SCN3A: variants seen among roughly 807,000 people sequenced by gnomAD.
The protein encoded by SCN3A is sodium channel protein type 3 subunit alpha.
SCN3A carries 60 observed loss-of-function variants against 187.6 expected under a neutral mutation model. The ratio of observed to expected loss-of-function variants is 0.32; its 90% CI spans 0.26 to 0.40. SCN3A has a LOEUF of 0.40. SCN3A is among the 10% of genes least tolerant of loss of function. The pLI is 1.00. For missense variants in SCN3A, 1,601 were observed against 2,428.2 expected (o/e 0.66, Z 7.16); for synonymous variants, 788 against 829.2 (o/e 0.95, Z 0.85).
At chr2:165,179,317 C>T (rs747483711) in intron 2 of SCN3A, among the ~76,000 whole-genome samples, 2 of 152,180 alleles carry the variant, frequency 1.3e-5, no homozygotes, top group Non-Finnish European at 2.9e-5. Flanking sequence ...CACCTCAACA[C>T]AGAAATGGCT....
In SCN3A at chr2:165,113,036, T is replaced by A; in HGVS notation, c.3692A>T (p.Glu1231Val). 6.2e-7 allele frequency: 1 copy of A among 1,612,370 alleles called. No individual in the cohort carries two copies. Among genetic ancestry groups the A allele is most frequent in the Non-Finnish European group, 8.5e-7 (1 of 1,179,096 alleles). ...CATGGTTTTGATAGTCTTTCGCTGT[T>A]CAATGTATATATCTTCAAAGGCCTA... ...GALAFEDIYI[E>V]QRKTIKTMLE... Residue 1231 changes from glutamate (E) to valine (V), a missense_variant, in exon 21 of 28, where the codon GAA becomes GTA. Physicochemically the swap from Glu to Val is moderately radical, Grantham distance 121 (BLOSUM62 -2). Around this residue, in one of 11 missense-constraint regions of SCN3A, gnomAD observed 267 missense variants for 313.2 expected, o/e 0.85. Coordinates refer to ENST00000283254, the MANE Select transcript of SCN3A (RefSeq NM_006922.4).
At chr2:165,137,790 G>T in intron 15 of SCN3A, 89 bp downstream of exon 15, 1 of 935,184 alleles carries the variant, frequency 1.1e-6, no homozygotes, top group Non-Finnish European at 1.8e-6. Flanking sequence ...TATAATTTTT[G>T]GGTTCAACAC....
Position 165,094,273 on chromosome 2 carries a change from T to A in SCN3A, c.4536+101A>T, listed in dbSNP as rs1574095272. The A allele has an allele frequency of 9.2e-6, 8 of 865,480 alleles. No individual in the cohort carries two copies. In the East Asian group the frequency reaches 1.9e-4, roughly 21 times the overall value. The allele number at this position is 865,480 out of a possible 1,614,324, so 53.6% of individuals were successfully genotyped here. On this transcript the variant is annotated intron_variant, in intron 26 of 27. Coordinates refer to ENST00000283254, the MANE Select transcript of SCN3A (RefSeq NM_006922.4). The stretch of plus-strand genomic sequence containing the variant: ...TATGAACTTTATAATTAGGGCTCAA[T>A]ATTGGTGATATCACCTAATATGTTC...
chr2:165,091,486 T>G, intron 27 of SCN3A, 141 bp from the exon 28 acceptor site: 1 of 1,062,970 alleles, frequency 9.4e-7, no homozygotes, highest in South Asian at 1.4e-5. Flanking sequence ...TCCCTGACAT[T>G]AGCAATTACA....
Position 165,090,268 on chromosome 2 carries a change from G to A in SCN3A, c.5885C>T (p.Ser1962Phe). 1 of 1,612,278 alleles carries A rather than the reference G, an allele frequency of 6.2e-7. No homozygotes were observed. Among genetic ancestry groups the A allele is most frequent in the Non-Finnish European group, 8.5e-7 (1 of 1,178,940 alleles). ...ATAGGAAGGAGGAGAGGTGGTAGAG[G>A]AACTCCCATCTGTTTTTTCTGGAGT... ...NSTPEKTDGS[S>F]STTSPPSYDS... The change falls in exon 28 of 28, where the codon TCC (serine) becomes TTC (phenylalanine). Residue 1962 changes from serine (S) to phenylalanine (F), a missense_variant. This residue lies in a region of SCN3A where 87 missense variants were observed against 89.2 expected (regional missense o/e 0.98). Coordinates refer to ENST00000283254, the MANE Select transcript of SCN3A (RefSeq NM_006922.4). This position sits in a 1 kb window ranked among gnomAD's most constrained non-coding sequence, Gnocchi z 4.0.
chr2:165,113,165 A>C (rs947207273), intron 20 of SCN3A, 107 bp from the exon 21 acceptor site: 19 of 821,544 alleles, frequency 2.3e-5, no homozygotes, highest in Non-Finnish European at 3.0e-5. Flanking sequence ...TTGATTATTG[A>C]TATTTTACAT....
intron 1 of SCN3A, among the ~76,000 whole-genome samples, chr2:165,186,971 CA>C (rs1691284074): frequency 6.6e-6 from 1 of 152,118 alleles, no homozygotes; most frequent in African/African-American, 2.4e-5. Context: ...AGGGTTGGGA[CA>C]GGGGTGCTCC....
At chr2:165,155,647 C>A in intron 10 of SCN3A, 115 bp downstream of exon 10, 1 of 1,167,164 alleles carries the variant, frequency 8.6e-7, no homozygotes, top group Non-Finnish European at 1.3e-6. Context: ...GATCCATCCG[C>A]CTCTGCCTCC....
chr2:165,122,230 C>T (rs944071248), intron 18 of SCN3A, among the ~76,000 whole-genome samples: 25 of 113,904 alleles, frequency 2.2e-4, no homozygotes, highest in South Asian at 3.0e-4. Context: ...TTCTTTCTTT[C>T]TTTTTTTTCT....
chr2:165,157,581 C>G (rs756380939), intron 9 of SCN3A, among the ~76,000 whole-genome samples: 1 of 152,164 alleles, frequency 6.6e-6, no homozygotes, highest in Non-Finnish European at 1.5e-5. Flanking sequence ...TTAGGTTTCT[C>G]TACTGTAAAT....
intron 18 of SCN3A, among the ~76,000 whole-genome samples, chr2:165,123,129 T>C (rs780074119): frequency 2.0e-5 from 3 of 152,148 alleles, no homozygotes; most frequent in Non-Finnish European, 2.9e-5. Context: ...AAACAAATTC[T>C]ACATTAGAGC....
rs573690507 is a variant in SCN3A at position 165,147,137 on chromosome 2, T to A, written c.1381-108A>T. ...ACTCATTAACTACAAGTGAAAAGTC[T>A]ATCCTCTAGTCCTTTTATTTTGTCT... On this transcript the variant is annotated intron_variant, in intron 11 of 27. Transcript: ENST00000283254. The A allele has an allele frequency of 1.1e-4, 138 of 1,222,514 alleles. No homozygotes were observed. The African/African-American group carries it at 1.9e-3, about 17-fold the overall frequency. 75.7% of individuals were successfully genotyped at this position (1,222,514 alleles called of 1,614,324 possible). A position where few individuals can be genotyped will look rare whatever the true frequency, so the allele number is the denominator to read the frequency against.
chr2:165,137,665 A>C (rs1376950007), intron 15 of SCN3A, among the ~76,000 whole-genome samples: 1 of 152,160 alleles, frequency 6.6e-6, no homozygotes, highest in African/African-American at 2.4e-5. Flanking sequence ...CACCATGATC[A>C]ATCAGCACAG....
At position 165,164,532 on chromosome 2, in the gene SCN3A, A is replaced by G. The variant is rs559377655; in HGVS notation, c.474-12T>C. 6.2e-7 allele frequency: 1 copy of G among 1,613,362 alleles called. No individual in the cohort carries two copies. The highest frequency in any genetic ancestry group is 8.5e-7 in the Non-Finnish European group (1 of 1,179,490). ...CAGTGAATGTGTACCTAGGAAAAAC[A>G]TCCAAGCCAAAATTAACAATTTTGC... On this transcript the variant is annotated splice_polypyrimidine_tract_variant and intron_variant, in intron 5 of 27. Transcript: ENST00000283254.
chr2:165,173,525 C>T (rs1212077740), intron 3 of SCN3A, among the ~76,000 whole-genome samples: 2 of 152,184 alleles, frequency 1.3e-5, no homozygotes, highest in Non-Finnish European at 2.9e-5. Context: ...ATGATTATCA[C>T]TGTCACTATT....
At chr2:165,186,294 A>C in intron 2 of SCN3A, among the ~76,000 whole-genome samples, 2 of 151,832 alleles carry the variant, frequency 1.3e-5, no homozygotes, top group African/African-American at 2.4e-5. Context: ...AACAACAAAA[A>C]AACAAAAACA....
At position 165,094,434 on chromosome 2, in the gene SCN3A, A is replaced by G. The variant is rs16850096; in HGVS notation, c.4476T>C (p.Tyr1492=). ...ATCCAAGTTTCTTCATTGCATTGTA[A>G]TATTTTTTCTGTTCCTCTGTCATAA... ...DIFMTEEQKK[Y]YNAMKKLGSK... Residue 1492 remains tyrosine (Y), a synonymous_variant, in exon 26 of 28, where the codon TAT becomes TAC. Transcript: ENST00000283254. 1.9e-3 allele frequency: 3,029 copies of G among 1,613,756 alleles called. 40 individuals are homozygous for G. Among genetic ancestry groups the G allele is most frequent in the East Asian group, 0.017 (753 of 44,832 alleles).
In SCN3A at chr2:165,154,551, A is replaced by G. The variant is rs1201946897; in HGVS notation, c.1281T>C (p.Tyr427=). ...NLILAVVAMA[Y]EEQNQATLEE... is the part of the protein sequence containing the mutation. ...CCAAGGTGGCCTGATTCTGCTCCTC[A>G]TAGGCCATGGCCACCACAGCCAGGA... Residue 427 remains tyrosine, a synonymous_variant, in exon 11 of 28, where the codon TAT becomes TAC. Coordinates refer to ENST00000283254, the MANE Select transcript of SCN3A (RefSeq NM_006922.4). 1 of 1,614,118 alleles carries G rather than the reference A, an allele frequency of 6.2e-7. No individual in the cohort carries two copies. Among genetic ancestry groups the G allele is most frequent in the South Asian group, 1.1e-5 (1 of 91,088 alleles).
rs548735385 is a variant in SCN3A, at chr2:165,133,366, T to A, written c.2392-1949A>T. On this transcript the variant is annotated intron_variant, in intron 15 of 27. Transcript: ENST00000283254. ...ATTTTCATTTTTTATTTTTATTATT[T>A]TTTTTTGAGACAGAGTCTCCCTCTG... 5.3e-5 allele frequency among the ~76,000 whole-genome samples: 8 copies of A among 152,312 alleles called. No individual in the cohort carries two copies. The South Asian group carries it at 6.2e-4, about 12-fold the overall frequency.
Sources: gnomAD v4.1 joint callset for allele counts (sites outside exome capture counted in the v4.1 genomes callset) on GRCh38, gnomAD v4.1.1 for gene constraint, gnomAD v4.1.1 regional missense constraint, Gnocchi (gnomAD v3.1) non-coding constraint, MANE v1.5 for transcripts, NCBI Gene and HGNC (gene_info 2026-07-23, HGNC 2026-07-21) for gene names.